SSBP3: variants seen among roughly 807,000 people sequenced by gnomAD.
The protein encoded by SSBP3 is single stranded DNA binding protein 3, also known as single-stranded DNA-binding protein 3.
SSBP3 carries 5 observed loss-of-function variants against 69.6 expected under a neutral mutation model. That is an observed-to-expected ratio of 0.07 (90% CI 0.04 to 0.15). SSBP3 has a LOEUF of 0.15. Among genes scored for constraint, SSBP3 ranks in the 10% least tolerant of loss-of-function variants. The pLI is 1.00. For missense variants in SSBP3, 312 were observed against 534.0 expected (o/e 0.58, Z 4.10); for synonymous variants, 196 against 193.4 (o/e 1.01, Z -0.11).
intron 4 of SSBP3, among the ~76,000 whole-genome samples, chr1:54,344,361 G>C (rs1646655463): frequency 6.6e-6 from 1 of 152,214 alleles, no homozygotes; most frequent in Admixed American, 6.5e-5. Context: ...ACTGCACACA[G>C]TCTTGGCATA....
chr1:54,340,433 C>T (rs1646587286), intron 4 of SSBP3, among the ~76,000 whole-genome samples: 1 of 152,290 alleles, frequency 6.6e-6, no homozygotes, highest in Admixed American at 6.5e-5. Flanking sequence ...AGCTTCAAGC[C>T]CACCCATCTC....
At chr1:54,318,063 C>G (rs948195886) in intron 4 of SSBP3, among the ~76,000 whole-genome samples, 2 of 152,318 alleles carry the variant, frequency 1.3e-5, no homozygotes, top group South Asian at 4.1e-4. Flanking sequence ...CCACTGCGCC[C>G]GGCCTCTCCA....
intron 5 of SSBP3, among the ~76,000 whole-genome samples, chr1:54,267,113 T>C (rs1645115666): frequency 6.6e-6 from 1 of 152,182 alleles, no homozygotes; most frequent in Non-Finnish European, 1.5e-5. Flanking sequence ...TTAGATCCTC[T>C]GGGGTCATCT....
chr1:54,363,297 A>G (rs12092538), intron 4 of SSBP3, among the ~76,000 whole-genome samples: 17,425 of 152,130 alleles, frequency 0.11, 2,783 homozygotes, highest in African/African-American at 0.36. Context: ...GGACAAGGGT[A>G]CCCTCTCCCT....
chr1:54,407,930 A>G (rs1649890514), upstream of SSBP3, among the ~76,000 whole-genome samples: 1 of 152,118 alleles, frequency 6.6e-6, no homozygotes, highest in African/African-American at 2.4e-5. Context: ...ATTCCCTACC[A>G]TTAAAGTTTG....
chr1:54,290,717 T>C, intron 4 of SSBP3, among the ~76,000 whole-genome samples: 1 of 152,100 alleles, frequency 6.6e-6, no homozygotes, highest in Non-Finnish European at 1.5e-5. Context: ...CAGTGCACCC[T>C]CCTCCACAGG....
At chr1:54,386,238 G>C (rs1179535060) in intron 4 of SSBP3, among the ~76,000 whole-genome samples, 1 of 152,250 alleles carries the variant, frequency 6.6e-6, no homozygotes, top group East Asian at 1.9e-4. Context: ...GCTCCCCACA[G>C]AAGGAGGGGT....
intron 1 of SSBP3, among the ~76,000 whole-genome samples, chr1:54,412,041 CTA>C (rs1650007157): frequency 6.6e-6 from 1 of 152,204 alleles, no homozygotes; most frequent in South Asian, 2.1e-4. Context: ...CAGCATGGCT[CTA>C]TTTTCATTCA....
intron 4 of SSBP3, among the ~76,000 whole-genome samples, chr1:54,386,013 G>A (rs1487473640): frequency 6.6e-6 from 1 of 152,190 alleles, no homozygotes; most frequent in Non-Finnish European, 1.5e-5. Flanking sequence ...ATTGCATGTT[G>A]AAAGCTAAAG....
At chr1:54,404,438 T>A in intron 3 of SSBP3, 138 bp downstream of exon 3, 1 of 947,404 alleles carries the variant, frequency 1.1e-6, no homozygotes, top group South Asian at 1.5e-5. Flanking sequence ...TGGGCCGGAG[T>A]GCCTCGAGGT....
chr1:54,370,439 T>C (rs1647111555), intron 4 of SSBP3, among the ~76,000 whole-genome samples: 1 of 152,212 alleles, frequency 6.6e-6, no homozygotes, highest in Non-Finnish European at 1.5e-5. Flanking sequence ...CGTGATCAAC[T>C]TGCAATGTCT....
chr1:54,266,997 C>G (rs1003877117), intron 5 of SSBP3, among the ~76,000 whole-genome samples: 17 of 152,234 alleles, frequency 1.1e-4, no homozygotes, highest in African/African-American at 2.2e-4. Flanking sequence ...AGCCCTTCCC[C>G]TTGTTTGCCA....
At chr1:54,311,675 C>G (rs762217138) in intron 4 of SSBP3, among the ~76,000 whole-genome samples, 11 of 152,168 alleles carry the variant, frequency 7.2e-5, no homozygotes, top group Admixed American at 2.0e-4. Context: ...AGGAGGGCAG[C>G]CTGACCACAC....
chr1:54,369,293 G>A lies in SSBP3; in HGVS notation c.276+32568C>T, dbSNP rs538453942. On this transcript the variant is annotated intron_variant, in intron 4 of 17. Transcript: ENST00000610401. ...GAACTTATTCCCGCAGAGGCTCCAC[G>A]GGATTGGGGGGACGGGGGTGGGGGG... is the stretch of plus-strand genomic sequence containing the variant. 6.2e-3 allele frequency among the ~76,000 whole-genome samples: 886 copies of A among 143,612 alleles called. 4 individuals are homozygous for A. Among genetic ancestry groups the A allele is most frequent in the Non-Finnish European group, 0.01 (666 of 66,018 alleles). The allele number at this position is 143,612 out of a possible 152,430, so 94.2% of individuals were successfully genotyped here. A position where few individuals can be genotyped will look rare whatever the true frequency, so the allele number is the denominator to read the frequency against.
intron 3 of SSBP3, among the ~76,000 whole-genome samples, chr1:54,403,603 C>G (rs1363597008): frequency 6.6e-6 from 1 of 152,178 alleles, no homozygotes; most frequent in East Asian, 1.9e-4. Flanking sequence ...TTAGAACAGA[C>G]ACTTCATCCT....
At chr1:54,313,103 G>A (rs1352187658) in intron 4 of SSBP3, among the ~76,000 whole-genome samples, 1 of 151,452 alleles carries the variant, frequency 6.6e-6, no homozygotes, top group Non-Finnish European at 1.5e-5. Flanking sequence ...CTAGGGTTAG[G>A]GCGGTGGAGC....
At chr1:54,253,544 G>A (rs908583715) in intron 7 of SSBP3, among the ~76,000 whole-genome samples, 24 of 152,150 alleles carry the variant, frequency 1.6e-4, no homozygotes, top group Admixed American at 1.2e-3. Context: ...GGTGCTCAGC[G>A]TCTGTCTTTC....
At chr1:54,343,278 C>T (rs909932998) in intron 4 of SSBP3, among the ~76,000 whole-genome samples, 1 of 152,354 alleles carries the variant, frequency 6.6e-6, no homozygotes, top group East Asian at 1.9e-4. Flanking sequence ...CCTAGGTCCC[C>T]ATCCTGGATC....
chr1:54,321,763 T>C (rs1646218220), intron 4 of SSBP3, among the ~76,000 whole-genome samples: 1 of 152,202 alleles, frequency 6.6e-6, no homozygotes, highest in African/African-American at 2.4e-5. Flanking sequence ...CCATGTGCTA[T>C]TCTGGAAATT....
Sources: gnomAD v4.1 joint callset for allele counts (sites outside exome capture counted in the v4.1 genomes callset) on GRCh38, gnomAD v4.1.1 for gene constraint, MANE v1.5 for transcripts, NCBI Gene and HGNC (gene_info 2026-07-23, HGNC 2026-07-21) for gene names.